SCAPER: variants seen among roughly 807,000 people sequenced by gnomAD.
The protein encoded by SCAPER is S phase cyclin A-associated protein in the endoplasmic reticulum.
Under a neutral mutation model 182.2 loss-of-function variants are expected in SCAPER, and 98 were observed. That is an observed-to-expected ratio of 0.54 (90% CI 0.46 to 0.64). The LOEUF (loss-of-function observed/expected upper bound fraction) is 0.64, where lower values mean the gene tolerates loss of function less well. SCAPER is among the 30% of genes least tolerant of loss of function. The probability of loss-of-function intolerance (pLI) is 0.00; values close to 1 mark genes in which losing one functional copy is unlikely to be tolerated. For synonymous variants in SCAPER, 605 were observed against 564.6 expected, an observed-to-expected ratio of 1.07 and a Z score of -1.01; for missense variants, 1,432 against 1,690.0, an observed-to-expected ratio of 0.85 and a Z score of 2.68.
Position 76,765,284 on chromosome 15 carries a change from G to A in SCAPER, c.1613+53C>T, listed in dbSNP as rs571318664. On this transcript the variant is annotated intron_variant, in intron 13 of 31. Coordinates refer to ENST00000563290, the MANE Select transcript of SCAPER (RefSeq NM_020843.4). ...TAGCAATTTTATTTAACAGTCAAGA[G>A]TGGCTAGTTTCCTTGCTGTGAACCA... 6.3e-5 allele frequency: 88 copies of A among 1,391,382 alleles called. No individual in the cohort carries two copies. The African/African-American group carries it at 9.9e-4, about 16-fold the overall frequency. The allele number at this position is 1,391,382 out of a possible 1,614,324, so 86.2% of individuals were successfully genotyped here. A position where few individuals can be genotyped will look rare whatever the true frequency, so the allele number is the denominator to read the frequency against.
chr15:76,389,522 A>G (rs2043519189), intron 27 of SCAPER, among the ~76,000 whole-genome samples: 1 of 148,336 alleles, frequency 6.7e-6, no homozygotes, highest in Admixed American at 6.7e-5. Flanking sequence ...AAAAAAAAAA[A>G]AAAAAAAAAG....
chr15:76,417,432 A>G (rs1303337620), intron 26 of SCAPER, among the ~76,000 whole-genome samples: 1 of 152,380 alleles, frequency 6.6e-6, no homozygotes, highest in East Asian at 1.9e-4. Flanking sequence ...AAAAGTATTT[A>G]CAAGGCAGGA....
chr15:76,431,213 T>C (rs1045801882), intron 26 of SCAPER, among the ~76,000 whole-genome samples: 1 of 152,268 alleles, frequency 6.6e-6, no homozygotes, highest in Admixed American at 6.5e-5. Flanking sequence ...TGAAAAAAAT[T>C]AAAAATGAAA....
intron 21 of SCAPER, among the ~76,000 whole-genome samples, chr15:76,649,538 T>A (rs115639165): frequency 0.016 from 2,379 of 149,680 alleles, 38 homozygotes; most frequent in African/African-American, 0.041. Flanking sequence ...TGGAAAAAAA[T>A]ATATATATAT....
intron 15 of SCAPER, among the ~76,000 whole-genome samples, chr15:76,736,045 T>C (rs999375812): frequency 6.6e-6 from 1 of 152,164 alleles, no homozygotes; most frequent in Non-Finnish European, 1.5e-5. Flanking sequence ...TCAAAGATAT[T>C]ACAAGTTTGG....
rs751594170 is a variant in SCAPER at position 76,800,293 on chromosome 15, T to C, written c.566A>G (p.Asp189Gly). 4 of 1,613,530 alleles carry C rather than the reference T, an allele frequency of 2.5e-6. No homozygotes were observed. Among genetic ancestry groups the C allele is most frequent in the Admixed American group, 3.3e-5 (2 of 59,948 alleles). The change falls in exon 7 of 32, where the codon GAT becomes GGT. Residue 189 changes from aspartate to glycine, a missense_variant. Transcript: ENST00000563290. ...AGCATTTGATGTTACATTTATTCTA[T>C]CTGTTGATGGACTTGGAATCACATG... ...GRHVIPSPST[D>G]RINVTSNARR... is the part of the protein sequence containing the mutation.
At chr15:76,611,696 G>A (rs2051011706) in intron 22 of SCAPER, among the ~76,000 whole-genome samples, 1 of 151,822 alleles carries the variant, frequency 6.6e-6, no homozygotes, top group African/African-American at 2.4e-5. Flanking sequence ...AATCCAAAAT[G>A]AAATACTGGG....
chr15:76,780,054 G>T (rs985375684), intron 8 of SCAPER, among the ~76,000 whole-genome samples: 1 of 152,206 alleles, frequency 6.6e-6, no homozygotes, highest in Admixed American at 6.5e-5. Flanking sequence ...CACAAAAGGC[G>T]AGCCAAAGCA....
intron 22 of SCAPER, among the ~76,000 whole-genome samples, chr15:76,584,898 G>T (rs2048523886): frequency 6.6e-6 from 1 of 151,978 alleles, no homozygotes; most frequent in Non-Finnish European, 1.5e-5. Flanking sequence ...TATATTCCCA[G>T]AATACAATTT....
At chr15:76,702,727 G>A (rs2059026805) in intron 19 of SCAPER, 123 bp downstream of exon 19, 7 of 1,115,200 alleles carry the variant, frequency 6.3e-6, no homozygotes, top group Non-Finnish European at 8.9e-6. Context: ...GAAATTACAG[G>A]TGTGAGCTGC....
In SCAPER at chr15:76,381,486, G is replaced by A. The variant is rs150628682; in HGVS notation, c.3597C>T (p.Pro1199=). The A allele has an allele frequency of 1.3e-4, 214 of 1,613,706 alleles. 1 individual carries two copies. The African/African-American group carries it at 2.3e-3, about 17-fold the overall frequency. ...AATTCTCCTTGGGACTGGCAGTGCT[G>A]GGGTCCAAGATGGTGCCATGGAAGA... is the stretch of plus-strand genomic sequence containing the variant. ...CVLFHGTILD[P]STASPKENYT... Residue 1199 remains proline, a synonymous_variant, in exon 28 of 32, where the codon CCC becomes CCT. Transcript: ENST00000563290.
At chr15:76,837,286 T>A (rs1261845657) in intron 5 of SCAPER, among the ~76,000 whole-genome samples, 1 of 152,186 alleles carries the variant, frequency 6.6e-6, no homozygotes, top group Non-Finnish European at 1.5e-5. Context: ...TAAAAAATGC[T>A]GTATCAGTCT....
At chr15:76,877,823 T>A (rs1281859301) in intron 2 of SCAPER, among the ~76,000 whole-genome samples, 1 of 152,170 alleles carries the variant, frequency 6.6e-6, no homozygotes, top group Non-Finnish European at 1.5e-5. Context: ...AAAATAACTA[T>A]AAAAGACATC....
chr15:76,470,557 G>C (rs1364965478), intron 25 of SCAPER, among the ~76,000 whole-genome samples: 1 of 152,144 alleles, frequency 6.6e-6, no homozygotes, highest in Non-Finnish European at 1.5e-5. Flanking sequence ...CTTGCAGCTT[G>C]AGAGCTATTT....
At chr15:76,776,174 G>A (rs1326571589) in intron 8 of SCAPER, among the ~76,000 whole-genome samples, 2 of 152,140 alleles carry the variant, frequency 1.3e-5, no homozygotes, top group African/African-American at 4.8e-5. Context: ...CAGACAGGAT[G>A]CTTCAACAGT....
At chr15:76,409,703 G>A (rs2142200610) in intron 26 of SCAPER, among the ~76,000 whole-genome samples, 1 of 152,008 alleles carries the variant, frequency 6.6e-6, no homozygotes, top group African/African-American at 2.4e-5. Flanking sequence ...TGCTTATTAG[G>A]GTTCTATCCC....
At chr15:76,627,513 A>C (rs1211305333) in intron 21 of SCAPER, among the ~76,000 whole-genome samples, 2 of 151,900 alleles carry the variant, frequency 1.3e-5, no homozygotes, top group Non-Finnish European at 2.9e-5. Flanking sequence ...CTCATTGTTC[A>C]GCTCCCACTT....
intron 9 of SCAPER, 70 bp from the exon 10 acceptor site, chr15:76,772,024 T>C (rs1002909549): frequency 4.2e-6 from 5 of 1,203,566 alleles, no homozygotes; most frequent in Non-Finnish European, 5.8e-6. Context: ...GAAGAAGAGA[T>C]GATTTTGCTT....
rs564121558 is a variant in SCAPER, at chr15:76,398,366, T to C, written c.3467+6158A>G. The stretch of plus-strand genomic sequence containing the variant: ...CTCTCTGTCTTGTACTGTAGATAGT[T>C]GTATAGGCATCTTTTTCCCCCTACA... On this transcript the variant is annotated intron_variant, in intron 27 of 31. Transcript: ENST00000563290. 5.4e-4 allele frequency among the ~76,000 whole-genome samples: 82 copies of C among 152,218 alleles called. 1 individual carries two copies. The highest frequency in any genetic ancestry group is 8.5e-4 in the Non-Finnish European group (58 of 68,038).
Sources: gnomAD v4.1 joint callset for allele counts (sites outside exome capture counted in the v4.1 genomes callset) on GRCh38, gnomAD v4.1.1 for gene constraint, MANE v1.5 for transcripts, NCBI Gene and HGNC (gene_info 2026-07-23, HGNC 2026-07-21) for gene names.